The following ACVR1C variants were observed in gnomAD, a reference collection of about 807,000 sequenced individuals.
ACVR1C encodes activin A receptor type 1C, also known as activin receptor type-1C.
Under a neutral mutation model 57.9 loss-of-function variants are expected in ACVR1C, and 23 were observed. The ratio of observed to expected loss-of-function variants is 0.40; its 90% CI spans 0.29 to 0.56. ACVR1C has a LOEUF of 0.56. ACVR1C is among the 20% of genes least tolerant of loss of function. The pLI is 0.50. For missense variants in ACVR1C, 480 were observed against 607.9 expected, an observed-to-expected ratio of 0.79 and a Z score of 2.21; for synonymous variants, 214 against 215.3, an observed-to-expected ratio of 0.99 and a Z score of 0.05.
chr2:157,619,407 G>T (rs1431368613), intron 1 of ACVR1C, among the ~76,000 whole-genome samples: 1 of 151,992 alleles, frequency 6.6e-6, no homozygotes, highest in African/African-American at 2.4e-5. Context: ...AGCAGTTGCT[G>T]AGAGGGAAAC....
rs1320823859 is a variant in ACVR1C at position 157,527,243 on chromosome 2, A to C, written c.*6675T>G. ...TATTTTTGATACAGTTTATTGCCCAATTCCTATTTTAAAACCTAATTTATT... is the reference window on the plus strand; with the variant it reads ...TATTTTTGATACAGTTTATTGCCCACTTCCTATTTTAAAACCTAATTTATT... On this transcript the variant is annotated 3_prime_UTR_variant, in exon 9 of 9. Transcript: ENST00000243349. The C allele has an allele frequency of 1.3e-5, 2 of 152,128 alleles. No homozygotes were observed. The highest frequency in any genetic ancestry group is 4.8e-5 in the African/African-American group (2 of 41,432). 9.4% of individuals were successfully genotyped at this position (152,128 alleles called of 1,614,324 possible). A position where few individuals can be genotyped will look rare whatever the true frequency, so the allele number is the denominator to read the frequency against.
chr2:157,566,844 C>G (rs182914276), intron 2 of ACVR1C, among the ~76,000 whole-genome samples: 2 of 152,136 alleles, frequency 1.3e-5, no homozygotes, highest in African/African-American at 4.8e-5. Flanking sequence ...AAGGGAAGCT[C>G]GAACTGGGTG....
chr2:157,545,019 A>G (rs1687717697), intron 4 of ACVR1C, among the ~76,000 whole-genome samples: 1 of 152,216 alleles, frequency 6.6e-6, no homozygotes. Context: ...TCAGAAATAT[A>G]ACAAATTTAT....
At chr2:157,584,596 G>A (rs1014916357) in intron 2 of ACVR1C, among the ~76,000 whole-genome samples, 1 of 152,178 alleles carries the variant, frequency 6.6e-6, no homozygotes, top group South Asian at 2.1e-4. Context: ...TATACCAAGT[G>A]TTGGCAAGAA....
chr2:157,554,201 G>GAAGAAAGAAAGAA, intron 3 of ACVR1C, among the ~76,000 whole-genome samples: 1 of 41,440 alleles, frequency 2.4e-5, no homozygotes, highest in Non-Finnish European at 3.9e-5. Context: ...ATAAAGAAGA[G>GAAGAAAGAAAGAA]AGAAAGAAAG....
At chr2:157,541,884 T>G (rs1030704801) in intron 6 of ACVR1C, among the ~76,000 whole-genome samples, 5 of 152,186 alleles carry the variant, frequency 3.3e-5, no homozygotes, top group Non-Finnish European at 7.4e-5. Context: ...ATAGTTTGGT[T>G]GTTTCTAATT....
chr2:157,573,032 C>G (rs2105242145), intron 2 of ACVR1C, among the ~76,000 whole-genome samples: 1 of 152,222 alleles, frequency 6.6e-6, no homozygotes, highest in African/African-American at 2.4e-5. Context: ...AACAATGGGT[C>G]TTTTAAGAGG....
chr2:157,614,405 T>C (rs1682597683), intron 1 of ACVR1C, among the ~76,000 whole-genome samples: 1 of 152,196 alleles, frequency 6.6e-6, no homozygotes, highest in African/African-American at 2.4e-5. Flanking sequence ...TTAGGTTTGT[T>C]CTATGCCCCC....
rs1553481316 is a variant in ACVR1C, at chr2:157,554,201, G to GAGAGAGAAAGAAAGAAAGAAAGAA, written c.544+1891_544+1892insTTCTTTCTTTCTTTCTTTCTCTCT. Among the ~76,000 whole-genome samples, 10 of 41,440 alleles carry GAGAGAGAAAGAAAGAAAGAAAGAA rather than the reference G, an allele frequency of 2.4e-4. 1 individual carries two copies. The highest frequency in any genetic ancestry group is 1.0e-3 in the African/African-American group (7 of 7,006). 27.2% of individuals were successfully genotyped at this position (41,440 alleles called of 152,430 possible). A position where few individuals can be genotyped will look rare whatever the true frequency, so the allele number is the denominator to read the frequency against. On this transcript the variant is annotated intron_variant, in intron 3 of 8. Coordinates refer to ENST00000243349, the MANE Select transcript of ACVR1C (RefSeq NM_145259.3). ...CTGGAAAAAAAAAAAATAAAGAAGA[G>GAGAGAGAAAGAAAGAAAGAAAGAA]AGAAAGAAAGAAAGAAAGAAAGAAA... is the stretch of plus-strand genomic sequence containing the variant.
At chr2:157,545,779 T>G (rs1687740339) in intron 4 of ACVR1C, among the ~76,000 whole-genome samples, 1 of 152,076 alleles carries the variant, frequency 6.6e-6, no homozygotes, top group Non-Finnish European at 1.5e-5. Flanking sequence ...TTATTTTTAT[T>G]TATTCATTTT....
chr2:157,610,740 T>C (rs1386591139), intron 1 of ACVR1C, among the ~76,000 whole-genome samples: 1 of 152,100 alleles, frequency 6.6e-6, no homozygotes, highest in African/African-American at 2.4e-5. Context: ...TTTTATTATT[T>C]TATCTTTGTT....
intron 2 of ACVR1C, among the ~76,000 whole-genome samples, chr2:157,578,720 T>C (rs940117885): frequency 2.6e-5 from 4 of 152,214 alleles, no homozygotes; most frequent in African/African-American, 9.6e-5. Context: ...AGAATTCTGT[T>C]GCTAGCTATT....
At chr2:157,556,481 T>C in intron 2 of ACVR1C, 149 bp from the exon 3 acceptor site, 1 of 1,028,004 alleles carries the variant, frequency 9.7e-7, no homozygotes, top group East Asian at 2.6e-5. Flanking sequence ...CTCTGTGGTA[T>C]AAGCAAAGAT....
rs1261362918 is a variant in ACVR1C at position 157,527,846 on chromosome 2, T to C, written c.*6072A>G. 2 of 152,160 alleles carry C rather than the reference T, an allele frequency of 1.3e-5. No homozygotes were observed. The highest frequency in any genetic ancestry group is 2.9e-5 in the Non-Finnish European group (2 of 68,024). 9.4% of individuals were successfully genotyped at this position (152,160 alleles called of 1,614,324 possible). A position where few individuals can be genotyped will look rare whatever the true frequency, so the allele number is the denominator to read the frequency against. On this transcript the variant is annotated 3_prime_UTR_variant, in exon 9 of 9. Transcript: ENST00000243349. ...AAAATTTAGGCACACAATCCTCTCT[T>C]TACAGGCAAAGTCAGTAATTAGCTC...
intron 4 of ACVR1C, among the ~76,000 whole-genome samples, chr2:157,548,922 G>A (rs1305649865): frequency 6.6e-6 from 1 of 152,202 alleles, no homozygotes; most frequent in African/African-American, 2.4e-5. Flanking sequence ...GAAAATTTGA[G>A]TCTTGAAGAT....
chr2:157,548,947 G>A (rs138261322), intron 4 of ACVR1C, among the ~76,000 whole-genome samples: 29 of 152,246 alleles, frequency 1.9e-4, no homozygotes, highest in East Asian at 5.8e-4. Context: ...GCTGTCATAC[G>A]GATGAAAAAT....
At chr2:157,562,314 A>G (rs1391112466) in intron 2 of ACVR1C, among the ~76,000 whole-genome samples, 2 of 146,070 alleles carry the variant, frequency 1.4e-5, no homozygotes, top group African/African-American at 5.0e-5. Context: ...AAATATATAT[A>G]TATATAAAAT....
chr2:157,592,848 T>C (rs1689077483), intron 1 of ACVR1C, among the ~76,000 whole-genome samples: 1 of 152,132 alleles, frequency 6.6e-6, no homozygotes, highest in South Asian at 2.1e-4. Context: ...AGAACAAATC[T>C]GGTTGTTAGT....
At chr2:157,628,461 C>A in intron 1 of ACVR1C, 111 bp downstream of exon 1, 1 of 1,282,180 alleles carries the variant, frequency 7.8e-7, no homozygotes, top group South Asian at 1.3e-5. Flanking sequence ...CCTGTCCGCC[C>A]CGAAGGTCAG....
Sources: gnomAD v4.1 joint callset for allele counts (sites outside exome capture counted in the v4.1 genomes callset) on GRCh38, gnomAD v4.1.1 for gene constraint, MANE v1.5 for transcripts, NCBI Gene and HGNC (gene_info 2026-07-23, HGNC 2026-07-21) for gene names.